Variants in HPSE2 observed in about 807,000 individuals in gnomAD.
HPSE2 encodes heparanase 2 (inactive).
HPSE2 carries 38 observed loss-of-function variants against 60.5 expected under a neutral mutation model. The observed-to-expected ratio is 0.63, with a 90% CI of 0.48 to 0.82. The LOEUF (loss-of-function observed/expected upper bound fraction) is 0.82. Ranked by LOEUF, HPSE2 falls within the 40% of genes least tolerant of loss-of-function variation. The pLI is 0.00. For synonymous variants in HPSE2, 295 were observed against 293.2 expected, an observed-to-expected ratio of 1.01 and a Z score of -0.06; for missense variants, 713 against 740.4, an observed-to-expected ratio of 0.96 and a Z score of 0.43.
intron 9 of HPSE2, among the ~76,000 whole-genome samples, chr10:98,515,858 A>G (rs920824824): frequency 6.6e-6 from 1 of 152,198 alleles, no homozygotes; most frequent in Non-Finnish European, 1.5e-5. Flanking sequence ...CCTTTTCTAC[A>G]GCACTACAAG....
intron 3 of HPSE2, among the ~76,000 whole-genome samples, chr10:99,024,861 C>A (rs1462308649): frequency 6.6e-6 from 1 of 152,080 alleles, no homozygotes; most frequent in Non-Finnish European, 1.5e-5. Flanking sequence ...CTTTCCCACA[C>A]AAACAAAAGC....
intron 5 of HPSE2, among the ~76,000 whole-genome samples, chr10:98,717,291 G>A (rs1199096952): frequency 2.0e-5 from 3 of 152,078 alleles, no homozygotes; most frequent in Non-Finnish European, 4.4e-5. Context: ...CTCCATAGCT[G>A]CAATAAGGCT....
the HPSE2 span, among the ~76,000 whole-genome samples, chr10:99,299,807 A>T: frequency 6.6e-6 from 1 of 152,140 alleles, no homozygotes; most frequent in Non-Finnish European, 1.5e-5. Context: ...ATCCTGCTCT[A>T]TTTCAGGGCT....
chr10:98,598,302 G>A (rs1377052028), intron 9 of HPSE2, among the ~76,000 whole-genome samples: 1 of 151,968 alleles, frequency 6.6e-6, no homozygotes, highest in East Asian at 1.9e-4. Flanking sequence ...GAGTCTTTGG[G>A]CAGGCTGACC....
rs1315122737 is a variant in HPSE2, at chr10:99,121,922, CAATGT to C, written c.610+22311_610+22315del. On this transcript the variant is annotated intron_variant, in intron 3 of 11. Coordinates refer to ENST00000370552, the MANE Select transcript of HPSE2 (RefSeq NM_021828.5). The stretch of plus-strand genomic sequence containing the variant: ...ATTAAATAATTATGATACATCCATA[CAATGT>C]AATTCTAAGGTAGCCATTAAAAATA... Among the ~76,000 whole-genome samples, 17 of 152,128 alleles carry C rather than the reference CAATGT, an allele frequency of 1.1e-4. No individual in the cohort carries two copies. In the South Asian group the frequency reaches 2.7e-3, roughly 24 times the overall value.
At chr10:99,254,496 A>G in the HPSE2 span, among the ~76,000 whole-genome samples, 5 of 152,192 alleles carry the variant, frequency 3.3e-5, no homozygotes, top group African/African-American at 4.8e-5. Context: ...AGCATCGTGC[A>G]ATATAACCAA....
intron 9 of HPSE2, among the ~76,000 whole-genome samples, chr10:98,517,620 C>G (rs1942645704): frequency 6.6e-6 from 1 of 152,062 alleles, no homozygotes; most frequent in African/African-American, 2.4e-5. Context: ...TTCCATTCAC[C>G]CAGCCAACTA....
intron 7 of HPSE2, among the ~76,000 whole-genome samples, chr10:98,633,968 C>T (rs1946430981): frequency 6.6e-6 from 1 of 152,146 alleles, no homozygotes; most frequent in African/African-American, 2.4e-5. Context: ...ATGTCTGAAA[C>T]AAACAGACTG....
chr10:98,655,801 TGA>T (rs34887029), intron 6 of HPSE2, among the ~76,000 whole-genome samples: 96,987 of 151,774 alleles, frequency 0.64, 33,700 homozygotes, highest in South Asian at 0.8. Flanking sequence ...GCCATGGTTA[TGA>T]GAGTAAGGAA....
intron 5 of HPSE2, among the ~76,000 whole-genome samples, chr10:98,704,865 C>T (rs1461015782): frequency 2.6e-5 from 4 of 152,098 alleles, no homozygotes; most frequent in Non-Finnish European, 4.4e-5. Flanking sequence ...GGCTTCATGA[C>T]GAAAATGCCA....
At chr10:99,231,364 G>C (rs1315586538) in intron 2 of HPSE2, among the ~76,000 whole-genome samples, 7 of 152,138 alleles carry the variant, frequency 4.6e-5, no homozygotes, top group African/African-American at 1.7e-4. Flanking sequence ...CAGCAACGGG[G>C]ATGATAGCCC....
At chr10:98,726,473 C>T (rs546054173) in intron 4 of HPSE2, among the ~76,000 whole-genome samples, 29 of 74,872 alleles carry the variant, frequency 3.9e-4, no homozygotes, top group South Asian at 1.7e-3. Context: ...CATCACACAC[C>T]AGGGACTGTT....
chr10:98,978,468 A>C (rs1232770961), intron 3 of HPSE2, among the ~76,000 whole-genome samples: 1 of 152,166 alleles, frequency 6.6e-6, no homozygotes, highest in Non-Finnish European at 1.5e-5. Context: ...ACCAACAAAA[A>C]TGAAAACAAC....
At chr10:99,108,746 TGTAA>T (rs1259086403) in intron 3 of HPSE2, among the ~76,000 whole-genome samples, 1 of 152,184 alleles carries the variant, frequency 6.6e-6, no homozygotes, top group East Asian at 1.9e-4. Flanking sequence ...TAGATGCTCT[TGTAA>T]GTGACACCTT....
chr10:99,164,772 C>G (rs1431217616), intron 2 of HPSE2, among the ~76,000 whole-genome samples: 1 of 152,166 alleles, frequency 6.6e-6, no homozygotes, highest in Non-Finnish European at 1.5e-5. Context: ...TGCCTGTATT[C>G]CCAGCACTTT....
chr10:98,566,981 G>A (rs903431965), intron 9 of HPSE2, among the ~76,000 whole-genome samples: 6 of 152,180 alleles, frequency 3.9e-5, no homozygotes, highest in Non-Finnish European at 8.8e-5. Context: ...AGTTCTACAT[G>A]GCTAACTGTA....
rs534677761 is a variant in HPSE2, at chr10:98,688,820, TA to T, written c.1004+5079del. Among the ~76,000 whole-genome samples the T allele has an allele frequency of 9.9e-5, 15 of 151,736 alleles. No homozygotes were observed. In the East Asian group the frequency reaches 2.3e-3, roughly 23 times the overall value. ...ACACAGATCTACTGGCTTTCATTGA[TA>T]AAAAAAAGTCTTTATTTAATTTTCA... On this transcript the variant is annotated intron_variant, in intron 6 of 11. Coordinates refer to ENST00000370552, the MANE Select transcript of HPSE2 (RefSeq NM_021828.5).
chr10:98,572,015 T>C (rs1370233340), intron 9 of HPSE2, among the ~76,000 whole-genome samples: 1 of 149,862 alleles, frequency 6.7e-6, no homozygotes, highest in Non-Finnish European at 1.5e-5. Flanking sequence ...CTTGGCTCAC[T>C]GCAACCTCCC....
intron 3 of HPSE2, among the ~76,000 whole-genome samples, chr10:98,853,973 C>G (rs1952245489): frequency 6.6e-6 from 1 of 152,084 alleles, no homozygotes; most frequent in Non-Finnish European, 1.5e-5. Context: ...GTAGGCTGAT[C>G]AGAAGTACCA....
Sources: allele counts gnomAD v4.1 joint callset (sites outside exome capture counted in the v4.1 genomes callset), GRCh38; gene constraint gnomAD v4.1.1; transcripts MANE v1.5; gene names NCBI Gene and HGNC (gene_info 2026-07-23, HGNC 2026-07-21).